The following NGLY1 variants were observed in gnomAD, a reference collection of about 807,000 sequenced individuals.
NGLY1 encodes the protein N-glycanase 1.
Under a neutral mutation model 84.6 loss-of-function variants are expected in NGLY1, and 68 were observed. That is an observed-to-expected ratio of 0.80 (90% confidence interval 0.66 to 0.98). The LOEUF (loss-of-function observed/expected upper bound fraction) is 0.98. NGLY1 is among the 50% of genes least tolerant of loss of function. The pLI is 0.00. For missense variants in NGLY1, 779 were observed against 770.2 expected (o/e 1.01, Z -0.14); for synonymous variants, 280 against 275.2 (o/e 1.02, Z -0.17).
At chr3:25,778,529 G>T in intron 2 of NGLY1, 45 bp downstream of exon 2, 1 of 1,071,240 alleles carries the variant, frequency 9.3e-7, no homozygotes, top group Non-Finnish European at 1.4e-6. Flanking sequence ...GATAATGGCT[G>T]CTTTGTGCAT....
At chr3:25,756,339 T>C (rs1231016009) in intron 3 of NGLY1, among the ~76,000 whole-genome samples, 3 of 152,216 alleles carry the variant, frequency 2.0e-5, no homozygotes, top group African/African-American at 4.8e-5. Flanking sequence ...GTCATTTTCA[T>C]ATTTTTAAAA....
intron 3 of NGLY1, among the ~76,000 whole-genome samples, chr3:25,761,554 AG>A (rs1707325212): frequency 6.6e-6 from 1 of 152,246 alleles, no homozygotes; most frequent in Admixed American, 6.5e-5. Context: ...TAAAAAAGAC[AG>A]TAACAATGGT....
chr3:25,776,066 G>A (rs976879982), intron 2 of NGLY1, among the ~76,000 whole-genome samples: 12 of 152,156 alleles, frequency 7.9e-5, no homozygotes, highest in South Asian at 6.2e-4. Context: ...GTCTAAAGCC[G>A]AACAGAAACT....
At chr3:25,771,631 T>C (rs1308787761) in intron 2 of NGLY1, among the ~76,000 whole-genome samples, 1 of 152,216 alleles carries the variant, frequency 6.6e-6, no homozygotes, top group East Asian at 1.9e-4. Context: ...AGTATGGTCA[T>C]TTTCACAATA....
chr3:25,752,510 A>C (rs1489556808), intron 3 of NGLY1, among the ~76,000 whole-genome samples: 1 of 152,062 alleles, frequency 6.6e-6, no homozygotes, highest in Non-Finnish European at 1.5e-5. Context: ...ATAAGCCACC[A>C]CGCCTGGCTA....
chr3:25,768,149 G>A (rs1199877715), intron 2 of NGLY1, among the ~76,000 whole-genome samples: 3 of 149,888 alleles, frequency 2.0e-5, no homozygotes, highest in Non-Finnish European at 4.4e-5. Context: ...TTGGCCAGGT[G>A]TGGTGGCTCA....
chr3:25,723,025 T>G (rs1705083744), intron 10 of NGLY1, among the ~76,000 whole-genome samples: 1 of 152,250 alleles, frequency 6.6e-6, no homozygotes, highest in African/African-American at 2.4e-5. Flanking sequence ...TCTCTCAATA[T>G]GCACTTCTAT....
chr3:25,763,602 A>C (rs532764512), intron 3 of NGLY1, among the ~76,000 whole-genome samples: 6 of 152,328 alleles, frequency 3.9e-5, no homozygotes, highest in African/African-American at 1.4e-4. Flanking sequence ...TGGTCAAAAG[A>C]GATTTTTGTA....
chr3:25,761,206 C>T (rs1358891582), intron 3 of NGLY1, among the ~76,000 whole-genome samples: 4 of 152,042 alleles, frequency 2.6e-5, no homozygotes, highest in Middle Eastern at 3.2e-3. Context: ...TAAAAGCATA[C>T]ATTTAGATTA....
rs776500139 is a variant in NGLY1, at chr3:25,736,022, T to G, written c.1131A>C (p.Ile377=). ...GCTCTACCTCATCTTTTGAAAATGC[T>G]ATGACATAGGAAAGCTTCTTGCCCC... The part of the protein sequence containing the change: ...IGWGKKLSYV[I]AFSKDEVVDV... The change falls in exon 7 of 12, where the codon ATA becomes ATC. Residue 377 remains isoleucine, a synonymous_variant. Transcript: ENST00000280700. The G allele has an allele frequency of 6.2e-7, 1 of 1,612,832 alleles. No homozygotes were observed. The highest frequency in any genetic ancestry group is 8.5e-7 in the Non-Finnish European group (1 of 1,179,536).
intron 3 of NGLY1, among the ~76,000 whole-genome samples, chr3:25,751,820 C>T (rs932214190): frequency 1.3e-5 from 2 of 152,210 alleles, no homozygotes; most frequent in Non-Finnish European, 2.9e-5. Flanking sequence ...AGTGGTTGGA[C>T]TCTGGAGGAA....
At chr3:25,773,581 C>T (rs1392266060) in intron 2 of NGLY1, among the ~76,000 whole-genome samples, 3 of 152,058 alleles carry the variant, frequency 2.0e-5, no homozygotes, top group Admixed American at 2.0e-4. Context: ...CCTTAAGTAA[C>T]CTAATAATTG....
chr3:25,721,648 C>T (rs1240351575), intron 10 of NGLY1, among the ~76,000 whole-genome samples: 2 of 140,928 alleles, frequency 1.4e-5, no homozygotes, highest in East Asian at 4.5e-4. Flanking sequence ...ATTCAGGAGG[C>T]TGAGGCAGGA....
intron 7 of NGLY1, chr3:25,735,371 T>C (rs1282383007): frequency 6.6e-6 from 1 of 151,244 alleles, no homozygotes; most frequent in Non-Finnish European, 1.5e-5. Flanking sequence ...GAAAACACAA[T>C]ACCCAATTAA....
chr3:25,746,002 T>C (rs1706404395), intron 4 of NGLY1, among the ~76,000 whole-genome samples: 1 of 152,234 alleles, frequency 6.6e-6, no homozygotes, highest in Non-Finnish European at 1.5e-5. Context: ...TCAAACCTTA[T>C]TAGAAATATG....
At chr3:25,736,396 T>C (rs981853103) in intron 6 of NGLY1, 33 of 1,548,488 alleles carry the variant, frequency 2.1e-5, no homozygotes, top group Admixed American at 3.9e-5. Context: ...ATGTGCGCTG[T>C]AACTCTTAAG....
chr3:25,768,602 C>T (rs1417124078), intron 2 of NGLY1, among the ~76,000 whole-genome samples: 2 of 144,362 alleles, frequency 1.4e-5, no homozygotes, highest in South Asian at 2.2e-4. Flanking sequence ...CTCACTGTGT[C>T]GCCGAGGCTG....
intron 10 of NGLY1, among the ~76,000 whole-genome samples, chr3:25,726,583 C>A (rs1375310521): frequency 6.6e-6 from 1 of 151,950 alleles, no homozygotes; most frequent in Non-Finnish European, 1.5e-5. Context: ...GGAGAAGGGA[C>A]AATATATCTG....
At chr3:25,779,156 C>T (rs1282428939) in intron 1 of NGLY1, among the ~76,000 whole-genome samples, 2 of 151,872 alleles carry the variant, frequency 1.3e-5, no homozygotes, top group Admixed American at 1.3e-4. Context: ...AGGCTGGTCT[C>T]GAACTCTCGA....
Sources: gnomAD v4.1 joint callset for allele counts (sites outside exome capture counted in the v4.1 genomes callset) on GRCh38, gnomAD v4.1.1 for gene constraint, MANE v1.5 for transcripts, NCBI Gene and HGNC (gene_info 2026-07-23, HGNC 2026-07-21) for gene names.